Variants in ITGB1 observed in about 807,000 individuals in gnomAD.
ITGB1 encodes the protein integrin subunit beta 1, also known as integrin beta-1.
In ITGB1, 24 loss-of-function variants were observed where a neutral mutation model predicts 86.5. That is an observed-to-expected ratio of 0.28 (90% CI 0.20 to 0.39). The LOEUF is 0.39. Ranked by LOEUF, ITGB1 falls within the 10% of genes least tolerant of loss-of-function variation. The pLI, the probability that ITGB1 is intolerant of heterozygous loss-of-function variation, is 1.00. For missense variants in ITGB1, 556 were observed against 946.9 expected, an observed-to-expected ratio of 0.59 and a Z score of 5.42; for synonymous variants, 323 against 316.8, an observed-to-expected ratio of 1.02 and a Z score of -0.21.
chr10:32,942,812 G>A (rs916133700), intron 1 of ITGB1, among the ~76,000 whole-genome samples: 1 of 151,008 alleles, frequency 6.6e-6, no homozygotes, highest in Non-Finnish European at 1.5e-5. Context: ...AGCCTCCCAA[G>A]TAACTGGGAC....
At chr10:32,903,554 T>G (rs1258131474) in intron 15 of ITGB1, among the ~76,000 whole-genome samples, 4 of 151,952 alleles carry the variant, frequency 2.6e-5, no homozygotes, top group Non-Finnish European at 5.9e-5. Context: ...CACTGTGATT[T>G]CAGCTCAGCA....
chr10:32,941,533 A>T (rs138789381), intron 1 of ITGB1, among the ~76,000 whole-genome samples: 1 of 152,322 alleles, frequency 6.6e-6, no homozygotes, highest in East Asian at 1.9e-4. Context: ...AGAGAGCCAA[A>T]TACCATCCAT....
At chr10:32,957,900 C>A (rs2137277935) in intron 1 of ITGB1, 1 of 152,214 alleles carries the variant, frequency 6.6e-6, no homozygotes, top group South Asian at 2.1e-4. Flanking sequence ...GGCTCTGCGC[C>A]CGGGGGCTGC....
chr10:32,943,397 GAGAATA>G (rs1436203488), intron 1 of ITGB1, among the ~76,000 whole-genome samples: 2 of 147,968 alleles, frequency 1.4e-5, no homozygotes, highest in African/African-American at 5.0e-5. Flanking sequence ...CCAAATCTCT[GAGAATA>G]CCTCCCATGG....
intron 1 of ITGB1, among the ~76,000 whole-genome samples, chr10:32,937,554 CAAAAAAAAAAAA>C (rs56280552): frequency 5.4e-5 from 5 of 91,912 alleles, no homozygotes; most frequent in African/African-American, 4.8e-5. Flanking sequence ...GACTCCGTCT[CAAAAAAAAAAAA>C]AAAAAAAAAA....
intron 1 of ITGB1, chr10:32,944,918 C>T: frequency 7.5e-7 from 1 of 1,329,936 alleles, no homozygotes; most frequent in Non-Finnish European, 1.1e-6. Context: ...TTATGAAGCC[C>T]AAACAAAGCC....
intron 11 of ITGB1, 54 bp from the exon 12 acceptor site, chr10:32,912,178 T>G: frequency 2.1e-6 from 3 of 1,460,314 alleles, no homozygotes; most frequent in South Asian, 1.2e-5. Context: ...ATTTAAGAGG[T>G]TCCAAGATGG....
At chr10:32,921,348 C>T (rs1201813195) in intron 9 of ITGB1, among the ~76,000 whole-genome samples, 3 of 152,040 alleles carry the variant, frequency 2.0e-5, no homozygotes, top group African/African-American at 7.2e-5. Context: ...AGCTGTGGAA[C>T]AAGTAAAATA....
At position 32,917,015 on chromosome 10, in the gene ITGB1, C is replaced by T. The variant is rs1362592174; in HGVS notation, c.1469+2870G>A. 2.0e-5 allele frequency among the ~76,000 whole-genome samples: 3 copies of T among 151,994 alleles called. No individual in the cohort carries two copies. The South Asian group carries it at 6.3e-4, about 32-fold the overall frequency. On this transcript the variant is annotated intron_variant, in intron 11 of 15. Transcript: ENST00000302278. ...AGAGATATAGACCTATGGAACAGAA[C>T]AGAGCCCTCAGAAATAATACCACAC... is the stretch of plus-strand genomic sequence containing the variant.
chr10:32,932,659 A>G (rs1593874809), intron 2 of ITGB1, 59 bp from the exon 3 acceptor site: 1 of 976,922 alleles, frequency 1.0e-6, no homozygotes, highest in East Asian at 2.4e-5. Flanking sequence ...GAAAATAATG[A>G]AAAATCAGAA....
intron 15 of ITGB1, among the ~76,000 whole-genome samples, chr10:32,906,284 AATTT>A (rs1461696556): frequency 6.6e-6 from 1 of 152,164 alleles, no homozygotes; most frequent in Non-Finnish European, 1.5e-5. Context: ...ACTCATAACA[AATTT>A]GTTATTTAAG....
rs1162845308 is a variant in ITGB1, at chr10:32,910,351, A to G, written c.2036T>C (p.Leu679Ser). The G allele has an allele frequency of 1.9e-6, 3 of 1,598,058 alleles. No individual in the cohort carries two copies. Among genetic ancestry groups the G allele is most frequent in the Non-Finnish European group, 1.7e-6 (2 of 1,165,612 alleles). Residue 679 changes from leucine to serine, a missense_variant, in exon 14 of 16, where the codon TTA becomes TCA. Around this residue, in one of 4 missense-constraint regions of ITGB1, gnomAD observed 330 missense variants for 531.5 expected, o/e 0.62. Transcript: ENST00000302278. ...NITKVESRDK[L>S]PQPVQPDPVS... The stretch of plus-strand genomic sequence containing the variant: ...AGGATCAGGTTGGACCGGCTGGGGT[A>G]ATTTGTCCCGACTTTCTACCTTGGT...
chr10:32,910,483 T>C, intron 13 of ITGB1, 28 bp from the exon 14 acceptor site: 1 of 1,418,540 alleles, frequency 7.0e-7, no homozygotes, highest in Non-Finnish European at 9.8e-7. Flanking sequence ...AATTATGATA[T>C]TTACATTTTA....
Position 32,946,749 on chromosome 10 carries a change from TGGGGGG to T in ITGB1, c.1-11197_1-11192del, listed in dbSNP as rs35757367. 1.2e-4 allele frequency among the ~76,000 whole-genome samples: 3 copies of T among 25,112 alleles called. 1 individual carries two copies. The highest frequency in any genetic ancestry group is 4.2e-4 in the African/African-American group (3 of 7,076). The allele number at this position is 25,112 out of a possible 152,430, so 16.5% of individuals were successfully genotyped here. A position where few individuals can be genotyped will look rare whatever the true frequency, so the allele number is the denominator to read the frequency against. Reference sequence around the variant, plus strand: ...CCAATAAGTGGTTTGTATGTATTTCTGGGGGGGGGGGGGGGATTATTTTCCTTTTCT... The same window carrying T: ...CCAATAAGTGGTTTGTATGTATTTCTGGGGGGGGGATTATTTTCCTTTTCT... On this transcript the variant is annotated intron_variant, in intron 1 of 15. Transcript: ENST00000302278.
intron 11 of ITGB1, among the ~76,000 whole-genome samples, chr10:32,917,929 G>A (rs1348548444): frequency 8.8e-6 from 1 of 114,268 alleles, no homozygotes; most frequent in Non-Finnish European, 2.1e-5. Flanking sequence ...CAATAGCAAA[G>A]ACTTGGAACC....
chr10:32,940,107 A>G (rs1349173773), intron 1 of ITGB1, among the ~76,000 whole-genome samples: 1 of 152,144 alleles, frequency 6.6e-6, no homozygotes, highest in East Asian at 1.9e-4. Flanking sequence ...GCGCTTTGGG[A>G]GGCCAAGATG....
chr10:32,925,825 C>T (rs1321985290), intron 6 of ITGB1, 46 bp downstream of exon 6: 2 of 1,137,900 alleles, frequency 1.8e-6, no homozygotes, highest in South Asian at 1.3e-5. Flanking sequence ...AAAATTCACA[C>T]ACATAATAGA....
chr10:32,924,489 A>C (rs573334127), intron 6 of ITGB1, among the ~76,000 whole-genome samples: 1 of 152,316 alleles, frequency 6.6e-6, no homozygotes, highest in South Asian at 2.1e-4. Context: ...TTAAGGTGGG[A>C]ATCACATTTA....
chr10:32,951,302 G>A (rs554333562), intron 1 of ITGB1, among the ~76,000 whole-genome samples: 2 of 152,030 alleles, frequency 1.3e-5, no homozygotes, highest in East Asian at 1.9e-4. Context: ...TAGACACCAA[G>A]AACAGAATCA....
Sources: gnomAD v4.1 joint callset for allele counts (sites outside exome capture counted in the v4.1 genomes callset) on GRCh38, gnomAD v4.1.1 for gene constraint, gnomAD v4.1.1 regional missense constraint, MANE v1.5 for transcripts, NCBI Gene and HGNC (gene_info 2026-07-23, HGNC 2026-07-21) for gene names.